Variants in CAPN15 observed in about 807,000 individuals in gnomAD.
CAPN15 encodes calpain 15, also known as calpain-15.
Under a neutral mutation model 97.9 loss-of-function variants are expected in CAPN15, and 53 were observed. That is an observed-to-expected ratio of 0.54 (90% confidence interval 0.43 to 0.68). The LOEUF (loss-of-function observed/expected upper bound fraction) is 0.68. Ranked by LOEUF, CAPN15 falls within the 30% of genes least tolerant of loss-of-function variation. The pLI, the probability that CAPN15 is intolerant of heterozygous loss-of-function variation, is 0.00. For missense variants in CAPN15, 1,592 were observed against 1,589.8 expected, an observed-to-expected ratio of 1.00 and a Z score of -0.02; for synonymous variants, 922 against 722.5, an observed-to-expected ratio of 1.28 and a Z score of -4.43.
chr16:536,458 T>C (rs1245167121), intron 3 of CAPN15, among the ~76,000 whole-genome samples: 1 of 151,560 alleles, frequency 6.6e-6, no homozygotes, highest in Non-Finnish European at 1.5e-5. Context: ...AGTCTCGCTC[T>C]GTCGCCCCGG....
chr16:543,611 G>A (rs999799070), intron 3 of CAPN15, among the ~76,000 whole-genome samples: 2 of 152,134 alleles, frequency 1.3e-5, no homozygotes, highest in African/African-American at 4.8e-5. Flanking sequence ...GGCAGCTCCT[G>A]TCTGCTGCTG....
chr16:551,913 C>G, intron 9 of CAPN15, 138 bp from the exon 10 acceptor site: 3 of 1,079,538 alleles, frequency 2.8e-6, no homozygotes, highest in Non-Finnish European at 4.1e-6. Context: ...GATGGGCCCC[C>G]GGGGGCCGGG....
At chr16:549,870 G>C (rs780977865) in intron 7 of CAPN15, 32 bp downstream of exon 7, 1 of 1,502,212 alleles carries the variant, frequency 6.7e-7, no homozygotes, top group Non-Finnish European at 9.1e-7. Flanking sequence ...GGTCAGCCGC[G>C]TTGGGAGGAG....
Position 554,481 on chromosome 16 carries a change from G to A in CAPN15, c.*965G>A, listed in dbSNP as rs2035310261. 1 of 454,918 alleles carries A rather than the reference G, an allele frequency of 2.2e-6. No homozygotes were observed. Among genetic ancestry groups the A allele is most frequent in the Non-Finnish European group, 4.4e-6 (1 of 226,712 alleles). 28.2% of individuals were successfully genotyped at this position (454,918 alleles called of 1,614,324 possible). Reference sequence around the variant, plus strand: ...CTCCCCTTTGGCCTCCCTGTACTCTGAGCTGTGAATATTTTTAACCCTGTA... The same window carrying A: ...CTCCCCTTTGGCCTCCCTGTACTCTAAGCTGTGAATATTTTTAACCCTGTA... On this transcript the variant is annotated 3_prime_UTR_variant, in exon 14 of 14. Coordinates refer to ENST00000219611, the MANE Select transcript of CAPN15 (RefSeq NM_005632.3).
Position 553,510 on chromosome 16 carries a change from G to C in CAPN15, c.3255G>C (p.Pro1085=), listed in dbSNP as rs368094829. The C allele has an allele frequency of 2.5e-6, 4 of 1,599,614 alleles. No homozygotes were observed. The Admixed American group carries it at 5.1e-5, about 20-fold the overall frequency. Residue 1085 remains proline (P), a synonymous_variant, in exon 14 of 14, where the codon CCG becomes CCC. Coordinates refer to ENST00000219611, the MANE Select transcript of CAPN15 (RefSeq NM_005632.3). The part of the protein sequence containing the change: ...PEVAGLHGPR[P]L ...TCGCCGGTCTGCATGGGCCCCGACC[G>C]CTGTGACCACCATGCCTGGGGCAGG...
intron 3 of CAPN15, among the ~76,000 whole-genome samples, chr16:544,430 AAG>A (rs1491316301): frequency 6.6e-6 from 1 of 151,928 alleles, no homozygotes; most frequent in Non-Finnish European, 1.5e-5. Context: ...TTTCCTAAGA[AAG>A]GGGCCGCCTC....
intron 1 of CAPN15, among the ~76,000 whole-genome samples, chr16:532,057 T>G (rs1204104240): frequency 6.6e-6 from 1 of 151,800 alleles, no homozygotes; most frequent in East Asian, 1.9e-4. Flanking sequence ...CTGACCAAAA[T>G]GGCGAAACCC....
At chr16:533,289 G>A (rs2033404421) in intron 1 of CAPN15, among the ~76,000 whole-genome samples, 1 of 152,196 alleles carries the variant, frequency 6.6e-6, no homozygotes, top group African/African-American at 2.4e-5. Context: ...GTCCATGGTG[G>A]GCCCTACACA....
At chr16:534,235 G>GCCGTGGTCCTGTCGTGGGCGGCGAC (rs374380680) in intron 2 of CAPN15, among the ~76,000 whole-genome samples, 1 of 151,436 alleles carries the variant, frequency 6.6e-6, no homozygotes, top group African/African-American at 2.4e-5. Context: ...TCCCGACAGG[G>GCCGTGGTCCTGTCGTGGGCGGCGAC]GTGTTTGTCC....
chr16:545,003 A>G (rs1167894919), intron 3 of CAPN15, among the ~76,000 whole-genome samples: 3 of 147,818 alleles, frequency 2.0e-5, no homozygotes, highest in Non-Finnish European at 3.0e-5. Context: ...CGACTTCAGG[A>G]GCGTTCTGGG....
In CAPN15 at chr16:552,985, C is replaced by A. The variant is rs757945255; in HGVS notation, c.3027C>A (p.Asn1009Lys). The change falls in exon 13 of 14, where the codon AAC becomes AAA. Residue 1009 changes from asparagine (N) to lysine (K), a missense_variant. This residue lies in a region of CAPN15 where 644 missense variants were observed against 699.6 expected (regional missense o/e 0.92). Transcript: ENST00000219611. This position sits in a 1 kb window ranked among gnomAD's most constrained non-coding sequence, Gnocchi z 6.4. ...HVQCDCTDSF[N>K]VVSTRGSLRT... ...AGTGTGACTGCACCGACAGCTTCAACGTGGTGTCCACACGCGGCAGCCTGC... is the reference window on the plus strand; with the variant it reads ...AGTGTGACTGCACCGACAGCTTCAAAGTGGTGTCCACACGCGGCAGCCTGC... 1 of 1,611,446 alleles carries A rather than the reference C, an allele frequency of 6.2e-7. No homozygotes were observed. The highest frequency in any genetic ancestry group is 8.5e-7 in the Non-Finnish European group (1 of 1,179,196).
At chr16:548,846 G>C in intron 4 of CAPN15, 147 bp from the exon 5 acceptor site, 1 of 750,806 alleles carries the variant, frequency 1.3e-6, no homozygotes, top group Non-Finnish European at 2.2e-6. Flanking sequence ...CACAGGGCCG[G>C]CGCCAGGTCT....
chr16:551,908 G>C, intron 9 of CAPN15, 143 bp from the exon 10 acceptor site: 2 of 1,037,142 alleles, frequency 1.9e-6, no homozygotes, highest in Admixed American at 4.2e-5. Flanking sequence ...TCAGGGATGG[G>C]CCCCCGGGGG....
chr16:549,239 C>CGGGGGGGGGGGG, intron 5 of CAPN15, 38 bp downstream of exon 5: 1 of 1,186,766 alleles, frequency 8.4e-7, no homozygotes, highest in Non-Finnish European at 1.0e-6. Flanking sequence ...GGCGGGTGGG[C>CGGGGGGGGGGGG]GGGCGACCGG....
At chr16:536,455 C>T (rs1324809750) in intron 3 of CAPN15, among the ~76,000 whole-genome samples, 1 of 150,676 alleles carries the variant, frequency 6.6e-6, no homozygotes, top group African/African-American at 2.5e-5. Context: ...CGGAGTCTCG[C>T]TCTGTCGCCC....
At chr16:534,870 G>A (rs2033588719) in intron 2 of CAPN15, among the ~76,000 whole-genome samples, 1 of 152,186 alleles carries the variant, frequency 6.6e-6, no homozygotes, top group African/African-American at 2.4e-5. Context: ...TTCCCATGGT[G>A]GCAAGATGGC....
intron 7 of CAPN15, 115 bp downstream of exon 7, chr16:549,953 G>A (rs921377853): frequency 1.8e-5 from 16 of 864,990 alleles, no homozygotes; most frequent in Non-Finnish European, 2.9e-5. Context: ...AGGTGCCCCT[G>A]GCGTGGGCTG....
Position 540,396 on chromosome 16 carries a change from C to T in CAPN15, c.-23+4254C>T, listed in dbSNP as rs574076776. On this transcript the variant is annotated intron_variant, in intron 3 of 13. Transcript: ENST00000219611. ...GGTAAGAGGTGGGGAGGGGTGGCCC[C>T]GGAGGGCTCCCGGGGGCAGAGGGCC... is the stretch of plus-strand genomic sequence containing the variant. 1.6e-4 allele frequency: 155 copies of T among 978,534 alleles called. 1 individual carries two copies. The South Asian group carries it at 6.4e-3, about 41-fold the overall frequency. 60.6% of individuals were successfully genotyped at this position (978,534 alleles called of 1,614,324 possible). A position where few individuals can be genotyped will look rare whatever the true frequency, so the allele number is the denominator to read the frequency against.
rs752786979 is a variant in CAPN15, at chr16:553,552, AC to A, written c.*42del. 3.5e-5 allele frequency: 42 copies of A among 1,207,236 alleles called. No homozygotes were observed. Among genetic ancestry groups the A allele is most frequent in the South Asian group, 5.7e-5 (4 of 70,642 alleles). 74.8% of individuals were successfully genotyped at this position (1,207,236 alleles called of 1,614,324 possible). A position where few individuals can be genotyped will look rare whatever the true frequency, so the allele number is the denominator to read the frequency against. ...TGGGGCAGGGGCTGTGCACAGACGG[AC>A]CCCCCACCCCCACACGCACTTTATG... On this transcript the variant is annotated 3_prime_UTR_variant, in exon 14 of 14. Coordinates refer to ENST00000219611, the MANE Select transcript of CAPN15 (RefSeq NM_005632.3).
Sources: allele counts gnomAD v4.1 joint callset (sites outside exome capture counted in the v4.1 genomes callset), GRCh38; gene constraint gnomAD v4.1.1; regional missense constraint gnomAD v4.1.1; non-coding constraint Gnocchi (gnomAD v3.1); transcripts MANE v1.5; gene names NCBI Gene and HGNC (gene_info 2026-07-23, HGNC 2026-07-21).